The following PPARG variants were observed in gnomAD, a reference collection of about 807,000 sequenced individuals.
The protein encoded by PPARG is peroxisome proliferator activated receptor gamma, also known as peroxisome proliferator-activated receptor gamma.
In PPARG, 17 loss-of-function variants were observed where a neutral mutation model predicts 39.2. The ratio of observed to expected loss-of-function variants is 0.43; its 90% CI spans 0.30 to 0.65. The LOEUF (loss-of-function observed/expected upper bound fraction) is 0.65, where lower values mean the gene tolerates loss of function less well. Ranked by LOEUF, PPARG falls within the 30% of genes least tolerant of loss-of-function variation. PPARG has a pLI of 0.13. For missense variants in PPARG, 406 were observed against 585.9 expected, an observed-to-expected ratio of 0.69 and a Z score of 3.17; for synonymous variants, 223 against 215.7, an observed-to-expected ratio of 1.03 and a Z score of -0.30.
intron 2 of PPARG, among the ~76,000 whole-genome samples, chr3:12,366,365 T>C (rs536369536): frequency 6.6e-6 from 1 of 152,156 alleles, no homozygotes; most frequent in African/African-American, 2.4e-5. Flanking sequence ...GATTTTTTTA[T>C]GTAGAAGTCA....
At chr3:12,373,155 A>C (rs551142390) in intron 2 of PPARG, among the ~76,000 whole-genome samples, 24 of 152,286 alleles carry the variant, frequency 1.6e-4, no homozygotes, top group African/African-American at 5.5e-4. Flanking sequence ...CTAGAGACAA[A>C]ATTAGAAGCA....
chr3:12,374,680 GTAA>G (rs1426472129), intron 2 of PPARG, among the ~76,000 whole-genome samples: 1 of 152,072 alleles, frequency 6.6e-6, no homozygotes, highest in African/African-American at 2.4e-5. Context: ...ACTTTAGGTG[GTAA>G]TAATGTGTCA....
chr3:12,312,725 T>A (rs2047281760), intron 2 of PPARG, among the ~76,000 whole-genome samples: 1 of 146,782 alleles, frequency 6.8e-6, no homozygotes, highest in Admixed American at 6.9e-5. Flanking sequence ...GTCTTTTATA[T>A]TCATGTTATT....
Position 12,351,882 on chromosome 3 carries a change from A to G in PPARG, c.-8-27822A>G, listed in dbSNP as rs1233891753. 5.3e-5 allele frequency among the ~76,000 whole-genome samples: 8 copies of G among 152,228 alleles called. 1 individual carries two copies. Among genetic ancestry groups the G allele is most frequent in the African/African-American group, 1.9e-4 (8 of 41,468 alleles). On this transcript the variant is annotated intron_variant, in intron 2 of 7. Transcript: ENST00000651735. ...AAGGAAACCTAACCTAATCTATTTT[A>G]TCTCTGTGCATGGCTCCCATTTCCT...
chr3:12,401,827 A>G (rs1200477145), intron 5 of PPARG, among the ~76,000 whole-genome samples: 3 of 152,232 alleles, frequency 2.0e-5, no homozygotes, highest in East Asian at 1.9e-4. Flanking sequence ...GCATTTAACA[A>G]TACAGATAAT....
At chr3:12,422,029 A>G (rs924765835) in intron 7 of PPARG, among the ~76,000 whole-genome samples, 7 of 152,252 alleles carry the variant, frequency 4.6e-5, no homozygotes, top group African/African-American at 7.2e-5. Flanking sequence ...GATAACACCT[A>G]GTTCTATCAG....
intron 2 of PPARG, among the ~76,000 whole-genome samples, chr3:12,341,154 G>A (rs1017427466): frequency 1.3e-5 from 2 of 150,356 alleles, no homozygotes; most frequent in East Asian, 2.0e-4. Flanking sequence ...CTGCACTCCA[G>A]CCTGGGCAAC....
At chr3:12,412,401 C>T (rs1037272997) in intron 6 of PPARG, among the ~76,000 whole-genome samples, 3 of 152,114 alleles carry the variant, frequency 2.0e-5, no homozygotes, top group Non-Finnish European at 2.9e-5. Context: ...TAAAACAGTA[C>T]TTTTAATCCC....
chr3:12,374,495 A>G (rs1235838079), intron 2 of PPARG, among the ~76,000 whole-genome samples: 1 of 152,156 alleles, frequency 6.6e-6, no homozygotes, highest in Non-Finnish European at 1.5e-5. Flanking sequence ...GCTACTCAGG[A>G]GGCTGGGGCA....
At chr3:12,423,899 G>A (rs2051347427) in intron 7 of PPARG, among the ~76,000 whole-genome samples, 1 of 152,176 alleles carries the variant, frequency 6.6e-6, no homozygotes, top group African/African-American at 2.4e-5. Flanking sequence ...CATAGTTCCT[G>A]TCCCCTATCT....
At chr3:12,375,958 T>C (rs957436291) in intron 2 of PPARG, among the ~76,000 whole-genome samples, 2 of 152,050 alleles carry the variant, frequency 1.3e-5, no homozygotes, top group East Asian at 1.9e-4. Context: ...CTTTTTTTTT[T>C]TTTCTTTTGA....
chr3:12,381,235 T>G, intron 3 of PPARG, 87 bp from the exon 4 acceptor site: 1 of 1,254,302 alleles, frequency 8.0e-7, no homozygotes, highest in Non-Finnish European at 1.1e-6. Flanking sequence ...AAATACAGCA[T>G]GAAGGTGTAC....
chr3:12,321,320 T>C (rs1206495407), intron 2 of PPARG, among the ~76,000 whole-genome samples: 1 of 152,142 alleles, frequency 6.6e-6, no homozygotes, highest in Admixed American at 6.5e-5. Flanking sequence ...ATGTTCTTAA[T>C]ATATATGGGG....
intron 6 of PPARG, chr3:12,406,532 CTTTTTT>C (rs10540594): frequency 2.8e-4 from 17 of 60,486 alleles, no homozygotes; most frequent in South Asian, 1.1e-3. Context: ...AGAGTTACCT[CTTTTTT>C]TTTTTTTTTT....
At chr3:12,351,781 A>G (rs1393586834) in intron 2 of PPARG, 3 of 831,804 alleles carry the variant, frequency 3.6e-6, no homozygotes, top group African/African-American at 3.3e-5. Context: ...TAATACTATC[A>G]TGTGTACACT....
chr3:12,295,822 C>T (rs2124933739), intron 1 of PPARG, among the ~76,000 whole-genome samples: 1 of 152,134 alleles, frequency 6.6e-6, no homozygotes, highest in African/African-American at 2.4e-5. Flanking sequence ...GCAAAGAAGG[C>T]TCAAATTTGG....
chr3:12,325,526 A>G (rs902659293), intron 2 of PPARG, among the ~76,000 whole-genome samples: 1 of 152,054 alleles, frequency 6.6e-6, no homozygotes, highest in Non-Finnish European at 1.5e-5. Context: ...GCTTGAACCC[A>G]GGAGGTGGAG....
chr3:12,392,608 T>C lies in PPARG; in HGVS notation c.391-6T>C, dbSNP rs750775821. On this transcript the variant is annotated splice_polypyrimidine_tract_variant and splice_region_variant and intron_variant, in intron 4 of 7. Transcript: ENST00000651735. Reference sequence around the variant, plus strand: ...TAAAATTTGCTTCTTTTTTATCCCTTTGCAGGGTTTCTTCCGGAGAACAAT... The same window carrying C: ...TAAAATTTGCTTCTTTTTTATCCCTCTGCAGGGTTTCTTCCGGAGAACAAT... The C allele has an allele frequency of 6.2e-6, 10 of 1,613,630 alleles. No homozygotes were observed. In the African/African-American group the frequency reaches 1.3e-4, roughly 22 times the overall value.
Position 12,434,091 on chromosome 3 carries a change from G to A in PPARG, c.1374G>A (p.Glu458=). 4 of 1,614,190 alleles carry A rather than the reference G, an allele frequency of 2.5e-6. No individual in the cohort carries two copies. The highest frequency in any genetic ancestry group is 3.4e-6 in the Non-Finnish European group (4 of 1,180,026). The change falls in exon 8 of 8, where the codon GAG becomes GAA. Residue 458 remains glutamate, a synonymous_variant. Coordinates refer to ENST00000651735, the MANE Select transcript of PPARG (RefSeq NM_138711.6). The surrounding 1 kb of genome is among the most constrained non-coding windows in gnomAD (Gnocchi z 4.2). The part of the protein sequence containing the change: ...VQLLQVIKKT[E]TDMSLHPLLQ... ...TACTGCAGGTGATCAAGAAGACGGA[G>A]ACAGACATGAGTCTTCACCCGCTCC...
Sources: allele counts gnomAD v4.1 joint callset (sites outside exome capture counted in the v4.1 genomes callset), GRCh38; gene constraint gnomAD v4.1.1; non-coding constraint Gnocchi (gnomAD v3.1); transcripts MANE v1.5; gene names NCBI Gene and HGNC (gene_info 2026-07-23, HGNC 2026-07-21).